Variants in DIAPH3 observed in about 807,000 individuals in gnomAD.
The protein encoded by DIAPH3 is diaphanous related formin 3, also known as protein diaphanous homolog 3.
Under a neutral mutation model 144.3 loss-of-function variants are expected in DIAPH3, and 117 were observed. That is an observed-to-expected ratio of 0.81 (90% CI 0.70 to 0.95). The LOEUF (loss-of-function observed/expected upper bound fraction) is 0.95. Among genes scored for constraint, DIAPH3 ranks in the 40% least tolerant of loss-of-function variants. DIAPH3 has a pLI of 0.00. For missense variants in DIAPH3, 1,421 were observed against 1,412.7 expected (o/e 1.01, Z -0.09); for synonymous variants, 519 against 488.9 (o/e 1.06, Z -0.81).
At chr13:59,873,770 G>A (rs1411707776) in intron 21 of DIAPH3, among the ~76,000 whole-genome samples, 1 of 149,498 alleles carries the variant, frequency 6.7e-6, no homozygotes, top group Non-Finnish European at 1.5e-5. Context: ...GGGTTCAAGC[G>A]ATTCTCCTGC....
chr13:59,757,718 C>T (rs970176763), intron 27 of DIAPH3, among the ~76,000 whole-genome samples: 6 of 152,096 alleles, frequency 3.9e-5, no homozygotes, highest in Non-Finnish European at 8.8e-5. Flanking sequence ...GTCATCTTTA[C>T]TACACAGCCA....
chr13:59,936,946 G>C (rs1789919316), intron 17 of DIAPH3, among the ~76,000 whole-genome samples: 1 of 152,068 alleles, frequency 6.6e-6, no homozygotes, highest in Non-Finnish European at 1.5e-5. Flanking sequence ...GGCGGATCAT[G>C]AGGTCAGGAG....
At chr13:59,805,571 T>C (rs1474751871) in intron 25 of DIAPH3, among the ~76,000 whole-genome samples, 2 of 151,964 alleles carry the variant, frequency 1.3e-5, no homozygotes, top group African/African-American at 4.8e-5. Context: ...ATATGTTGAT[T>C]AAATAAAGAC....
chr13:60,034,232 G>A (rs1235674169), intron 5 of DIAPH3, among the ~76,000 whole-genome samples: 1 of 152,142 alleles, frequency 6.6e-6, no homozygotes, highest in Admixed American at 6.5e-5. Context: ...ACTGATAGCT[G>A]TAAAGCCATA....
chr13:59,824,969 T>C (rs1446624832), intron 24 of DIAPH3, among the ~76,000 whole-genome samples: 1 of 152,214 alleles, frequency 6.6e-6, no homozygotes, highest in East Asian at 1.9e-4. Context: ...ACAGGTGATA[T>C]TGCAAACTCA....
chr13:60,159,814 G>A (rs1952201654), intron 1 of DIAPH3, among the ~76,000 whole-genome samples: 1 of 152,212 alleles, frequency 6.6e-6, no homozygotes, highest in Non-Finnish European at 1.5e-5. Flanking sequence ...AAGAATTAAA[G>A]GAGTTGATAA....
chr13:59,848,119 A>G (rs1001101424), intron 22 of DIAPH3, among the ~76,000 whole-genome samples: 1 of 152,034 alleles, frequency 6.6e-6, no homozygotes, highest in Admixed American at 6.6e-5. Context: ...CCAAGCCAAC[A>G]TTATTCCTCC....
chr13:60,026,575 T>C (rs2054388867), intron 5 of DIAPH3, among the ~76,000 whole-genome samples: 1 of 152,048 alleles, frequency 6.6e-6, no homozygotes, highest in South Asian at 2.1e-4. Flanking sequence ...ATATGAAATG[T>C]CTACAGAAAA....
intron 21 of DIAPH3, among the ~76,000 whole-genome samples, chr13:59,875,370 T>TA (rs549740086): frequency 1.1e-3 from 167 of 152,284 alleles, no homozygotes; most frequent in South Asian, 9.7e-3. Context: ...GCAAGGTACT[T>TA]ACACCATTTT....
At chr13:59,874,837 A>G (rs2140025142) in intron 21 of DIAPH3, among the ~76,000 whole-genome samples, 1 of 152,342 alleles carries the variant, frequency 6.6e-6, no homozygotes, top group East Asian at 1.9e-4. Context: ...TGGAACAAAG[A>G]GCTGCATCAT....
At chr13:59,873,686 T>G (rs1566447662) in intron 21 of DIAPH3, among the ~76,000 whole-genome samples, 1 of 150,516 alleles carries the variant, frequency 6.6e-6, no homozygotes, top group South Asian at 2.1e-4. Flanking sequence ...TCTTTTTTTT[T>G]TTTTTTTTTC....
Position 59,774,138 on chromosome 13 carries a change from AG to A in DIAPH3, c.3319+50del, listed in dbSNP as rs1245044594. 6.5e-6 allele frequency: 10 copies of A among 1,546,710 alleles called. No individual in the cohort carries two copies. The African/African-American group carries it at 1.4e-4, about 21-fold the overall frequency. On this transcript the variant is annotated intron_variant, in intron 27 of 27. Transcript: ENST00000400324. ...CAGTCTACTAAAATCACAGATCAAT[AG>A]GATAAAAGTAGATAAGAAGAATGTG... is the stretch of plus-strand genomic sequence containing the variant.
In DIAPH3 at chr13:60,126,766, T is replaced by C. The variant is rs543918146; in HGVS notation, c.213+6191A>G. Among the ~76,000 whole-genome samples, 4 of 152,240 alleles carry C rather than the reference T, an allele frequency of 2.6e-5. No individual in the cohort carries two copies. The South Asian group carries it at 8.3e-4, about 32-fold the overall frequency. ...GTCAAATATCAGGAAAACCCCTAAA[T>C]ATTTGGAAGTTAAATAACATATACC... On this transcript the variant is annotated intron_variant, in intron 2 of 27. Coordinates refer to ENST00000400324, the MANE Select transcript of DIAPH3 (RefSeq NM_001042517.2).
At chr13:59,706,185 G>A (rs73208914) in intron 27 of DIAPH3, among the ~76,000 whole-genome samples, 6,700 of 152,064 alleles carry the variant, frequency 0.044, 166 homozygotes, top group African/African-American at 0.05. Flanking sequence ...TTGTTACACT[G>A]TATTGTTTAA....
intron 17 of DIAPH3, among the ~76,000 whole-genome samples, chr13:59,955,681 A>G (rs2049361597): frequency 6.6e-6 from 1 of 152,150 alleles, no homozygotes; most frequent in African/African-American, 2.4e-5. Flanking sequence ...AAAATGTGGG[A>G]AAGTTTGGAC....
intron 24 of DIAPH3, among the ~76,000 whole-genome samples, chr13:59,830,331 C>T (rs149336030): frequency 9.2e-5 from 14 of 151,912 alleles, no homozygotes; most frequent in African/African-American, 3.4e-4. Flanking sequence ...GAATAAAGTA[C>T]CTGTATAAAA....
intron 27 of DIAPH3, among the ~76,000 whole-genome samples, chr13:59,771,642 A>G (rs1473005896): frequency 1.3e-5 from 2 of 152,160 alleles, no homozygotes; most frequent in Non-Finnish European, 2.9e-5. Context: ...AAGCAGTTAT[A>G]TTAAGAGTAT....
At chr13:59,925,389 T>C (rs1029990588) in intron 17 of DIAPH3, among the ~76,000 whole-genome samples, 30 of 152,314 alleles carry the variant, frequency 2.0e-4, no homozygotes, top group African/African-American at 6.3e-4. Flanking sequence ...CATCTATGCA[T>C]CCTTGAAATA....
chr13:59,903,721 C>G (rs1410932731), intron 20 of DIAPH3, among the ~76,000 whole-genome samples: 1 of 151,868 alleles, frequency 6.6e-6, no homozygotes, highest in Non-Finnish European at 1.5e-5. Flanking sequence ...TCATTTTTAA[C>G]AAAAAAATCA....
Sources: gnomAD v4.1 joint callset for allele counts (sites outside exome capture counted in the v4.1 genomes callset) on GRCh38, gnomAD v4.1.1 for gene constraint, MANE v1.5 for transcripts, NCBI Gene and HGNC (gene_info 2026-07-23, HGNC 2026-07-21) for gene names.